The following FER variants were observed in gnomAD, a reference collection of about 807,000 sequenced individuals.
FER encodes FER tyrosine kinase, also known as tyrosine-protein kinase Fer.
FER carries 63 observed loss-of-function variants against 111.0 expected under a neutral mutation model. The observed-to-expected ratio is 0.57, with a 90% CI of 0.46 to 0.70. The LOEUF is 0.70. Ranked by LOEUF, FER falls within the 30% of genes least tolerant of loss-of-function variation. FER has a pLI of 0.00. For synonymous variants in FER, 327 were observed against 313.9 expected (o/e 1.04, Z -0.44); for missense variants, 914 against 954.0 (o/e 0.96, Z 0.55).
chr5:108,810,427 G>A (rs1184833875), intron 3 of FER, among the ~76,000 whole-genome samples: 1 of 152,234 alleles, frequency 6.6e-6, no homozygotes, highest in Non-Finnish European at 1.5e-5. Context: ...TGTGGGGCCG[G>A]ACTGGGCAGG....
At chr5:109,145,285 T>C (rs1439530163) in intron 17 of FER, among the ~76,000 whole-genome samples, 2 of 151,976 alleles carry the variant, frequency 1.3e-5, no homozygotes, top group Non-Finnish European at 2.9e-5. Flanking sequence ...GCAGAGAAAG[T>C]GACTCTATTC....
intron 5 of FER, among the ~76,000 whole-genome samples, chr5:108,860,561 A>G (rs1183731998): frequency 6.6e-6 from 1 of 152,212 alleles, no homozygotes; most frequent in Non-Finnish European, 1.5e-5. Flanking sequence ...TAGCTCCTTC[A>G]TTGTTTCTAC....
chr5:108,923,561 T>C (rs979798017), intron 10 of FER, among the ~76,000 whole-genome samples: 9 of 152,288 alleles, frequency 5.9e-5, no homozygotes, highest in African/African-American at 2.2e-4. Flanking sequence ...ATACCTGGCA[T>C]CTAGTAGTTG....
chr5:108,773,612 T>C (rs1753163236), intron 2 of FER, among the ~76,000 whole-genome samples: 1 of 152,176 alleles, frequency 6.6e-6, no homozygotes, highest in African/African-American at 2.4e-5. Flanking sequence ...CCATTTAGGT[T>C]AATTCCGTGT....
chr5:109,106,345 G>C (rs1038582529), intron 17 of FER, among the ~76,000 whole-genome samples: 7 of 151,746 alleles, frequency 4.6e-5, no homozygotes, highest in Admixed American at 3.9e-4. Context: ...TTTAATAAGA[G>C]TTTGAATTTT....
intron 1 of FER, among the ~76,000 whole-genome samples, chr5:108,752,493 C>T (rs1413882807): frequency 6.6e-6 from 1 of 151,694 alleles, no homozygotes; most frequent in African/African-American, 2.4e-5. Context: ...GAAGAGGGCT[C>T]CTAGATCTGG....
At chr5:108,806,654 T>A (rs1028184269) in intron 3 of FER, among the ~76,000 whole-genome samples, 2 of 152,160 alleles carry the variant, frequency 1.3e-5, no homozygotes, top group Non-Finnish European at 2.9e-5. Flanking sequence ...ATTTTGGAGC[T>A]TTGAGATTTG....
chr5:108,923,809 C>T (rs1212075449), intron 10 of FER, among the ~76,000 whole-genome samples: 1 of 152,060 alleles, frequency 6.6e-6, no homozygotes, highest in Non-Finnish European at 1.5e-5. Context: ...AGATCATTTA[C>T]ACATAATTTA....
At chr5:108,859,817 T>C (rs909473437) in intron 5 of FER, among the ~76,000 whole-genome samples, 1 of 152,028 alleles carries the variant, frequency 6.6e-6, no homozygotes, top group African/African-American at 2.4e-5. Context: ...ATTTCAGTTC[T>C]CTGAACAGTT....
intron 13 of FER, among the ~76,000 whole-genome samples, chr5:109,019,428 GT>G (rs141418151): frequency 0.01 from 1,594 of 151,896 alleles, 23 homozygotes; most frequent in African/African-American, 0.036. Flanking sequence ...TTGTCAAAGT[GT>G]GGTCATTATT....
chr5:109,147,127 C>CA lies in FER; in HGVS notation c.2049-33611dup, dbSNP rs951665139. On this transcript the variant is annotated intron_variant, in intron 17 of 19. Transcript: ENST00000281092. Reference sequence around the variant, plus strand: ...CAGAAAAGTGATTACTCAGACTTCTCAAAAAAAAATTGAAAACAAATTGAA... The same window carrying CA: ...CAGAAAAGTGATTACTCAGACTTCTCAAAAAAAAAATTGAAAACAAATTGAA... Among the ~76,000 whole-genome samples the CA allele has an allele frequency of 1.6e-3, 240 of 148,050 alleles. 1 individual carries two copies. Among genetic ancestry groups the CA allele is most frequent in the African/African-American group, 5.6e-3 (226 of 40,358 alleles).
chr5:109,084,058 A>G (rs1308711833), intron 16 of FER, among the ~76,000 whole-genome samples: 4 of 152,016 alleles, frequency 2.6e-5, no homozygotes, highest in Non-Finnish European at 4.4e-5. Context: ...TTGAATTATC[A>G]CAAAGTGTTT....
chr5:109,007,076 G>C (rs1390302761), intron 13 of FER, among the ~76,000 whole-genome samples: 2 of 152,100 alleles, frequency 1.3e-5, no homozygotes, highest in Non-Finnish European at 2.9e-5. Flanking sequence ...TTATTTTTTA[G>C]ATGGGTTATT....
At chr5:108,857,115 C>T (rs1019525364) in intron 5 of FER, among the ~76,000 whole-genome samples, 2 of 152,014 alleles carry the variant, frequency 1.3e-5, no homozygotes, top group African/African-American at 4.8e-5. Flanking sequence ...ACCACATTTG[C>T]TTTATGCTTT....
chr5:108,766,123 G>T (rs1214598913), intron 1 of FER, among the ~76,000 whole-genome samples: 1 of 152,020 alleles, frequency 6.6e-6, no homozygotes, highest in African/African-American at 2.4e-5. Context: ...GTAGAGACGG[G>T]CTCTCACTAT....
At chr5:108,882,007 G>A (rs578055703) in intron 8 of FER, among the ~76,000 whole-genome samples, 1 of 152,116 alleles carries the variant, frequency 6.6e-6, no homozygotes, top group South Asian at 2.1e-4. Flanking sequence ...ATTTAAAATT[G>A]TATCTTAGAA....
chr5:108,776,986 C>T (rs1203446978), intron 2 of FER, among the ~76,000 whole-genome samples: 3 of 152,128 alleles, frequency 2.0e-5, no homozygotes, highest in Non-Finnish European at 4.4e-5. Flanking sequence ...TGCAGGAAAT[C>T]ATAGAAACTA....
At chr5:108,885,544 G>A (rs1217902691) in intron 9 of FER, among the ~76,000 whole-genome samples, 1 of 151,760 alleles carries the variant, frequency 6.6e-6, no homozygotes, top group Non-Finnish European at 1.5e-5. Context: ...AGCATGATTG[G>A]GTTCTTGTGA....
At chr5:108,993,419 A>G (rs940863138) in intron 13 of FER, among the ~76,000 whole-genome samples, 3 of 152,116 alleles carry the variant, frequency 2.0e-5, no homozygotes, top group Admixed American at 6.5e-5. Context: ...CGCGCCTGCA[A>G]TCGCAGGCAC....
Sources: allele counts gnomAD v4.1 joint callset (sites outside exome capture counted in the v4.1 genomes callset), GRCh38; gene constraint gnomAD v4.1.1; transcripts MANE v1.5; gene names NCBI Gene and HGNC (gene_info 2026-07-23, HGNC 2026-07-21).